The following GPC3 variants were observed in gnomAD, a reference collection of about 807,000 sequenced individuals.
GPC3 encodes the protein glypican-3.
In GPC3, 3 loss-of-function variants were observed where a neutral mutation model predicts 34.4. The ratio of observed to expected loss-of-function variants is 0.09; its 90% confidence interval spans 0.04 to 0.23. GPC3 has a LOEUF of 0.23. Ranked by LOEUF, GPC3 falls within the 10% of genes least tolerant of loss-of-function variation. The probability of loss-of-function intolerance (pLI) is 1.00; values close to 1 mark genes in which losing one functional copy is unlikely to be tolerated. For synonymous variants in GPC3, 177 were observed against 174.0 expected, an observed-to-expected ratio of 1.02 and a Z score of -0.13; for missense variants, 351 against 445.6, an observed-to-expected ratio of 0.79 and a Z score of 1.91.
chrX:133,632,129 TCCC>T (rs1315997799), intron 6 of GPC3, among the ~76,000 whole-genome samples: 2 of 109,677 alleles, frequency 1.8e-5, no homozygotes, highest in African/African-American at 6.9e-5. Context: ...AGACAGTGTC[TCCC>T]TCTGTTGCCC....
intron 2 of GPC3, among the ~76,000 whole-genome samples, chrX:133,790,630 A>G (rs2072151308): frequency 9.0e-6 from 1 of 111,693 alleles, no homozygotes; most frequent in Non-Finnish European, 1.9e-5. Context: ...ATGCTAAACC[A>G]GTTACCCACT....
chrX:133,969,843 A>C (rs2076482606), intron 1 of GPC3, among the ~76,000 whole-genome samples: 1 of 110,538 alleles, frequency 9.0e-6, no homozygotes, highest in Non-Finnish European at 1.9e-5. Context: ...ACAATCAAAC[A>C]CTCCTACACG....
intron 7 of GPC3, among the ~76,000 whole-genome samples, chrX:133,551,915 T>C (rs188530706): frequency 1.4e-4 from 16 of 112,598 alleles, no homozygotes; most frequent in Admixed American, 2.8e-4. Flanking sequence ...TAGATTCTTC[T>C]TGCCCCATAG....
chrX:133,936,032 T>C (rs983954514), intron 2 of GPC3, among the ~76,000 whole-genome samples: 20 of 108,765 alleles, frequency 1.8e-4, no homozygotes, highest in African/African-American at 6.4e-4. Context: ...CCCACCTCAG[T>C]CTCCCAAGTA....
chrX:133,828,504 A>C (rs2075760250), intron 2 of GPC3, among the ~76,000 whole-genome samples: 1 of 112,304 alleles, frequency 8.9e-6, no homozygotes, highest in African/African-American at 3.2e-5. Context: ...GTGGAACAAG[A>C]AAAAACATAA....
At chrX:133,578,105 A>G (rs1008957578) in intron 7 of GPC3, among the ~76,000 whole-genome samples, 2 of 112,217 alleles carry the variant, frequency 1.8e-5, no homozygotes, top group Non-Finnish European at 3.8e-5. Flanking sequence ...CACTCAAAAA[A>G]TATGAGCTAT....
intron 6 of GPC3, among the ~76,000 whole-genome samples, chrX:133,603,288 C>T (rs1331099263): frequency 9.1e-6 from 1 of 109,893 alleles, no homozygotes; most frequent in Non-Finnish European, 1.9e-5. Flanking sequence ...GTCTCGAACT[C>T]CTGGGCTCAA....
At chrX:133,709,855 C>T (rs2071252068) in intron 3 of GPC3, among the ~76,000 whole-genome samples, 1 of 112,285 alleles carries the variant, frequency 8.9e-6, no homozygotes, top group South Asian at 3.7e-4. Flanking sequence ...GCATTTTCCT[C>T]TCACTTTTCC....
At chrX:133,802,914 CTT>C (rs751359373) in intron 2 of GPC3, among the ~76,000 whole-genome samples, 4 of 68,550 alleles carry the variant, frequency 5.8e-5, no homozygotes, top group African/African-American at 1.7e-4. Flanking sequence ...GGAAGGTATT[CTT>C]TTTTTTTTTT....
chrX:133,808,388 G>T (rs1259363122), intron 2 of GPC3, among the ~76,000 whole-genome samples: 1 of 111,763 alleles, frequency 8.9e-6, no homozygotes, highest in Non-Finnish European at 1.9e-5. Flanking sequence ...ATAAAATGGG[G>T]GGTTATCCCA....
At chrX:133,900,883 CAG>C (rs1356811389) in intron 2 of GPC3, among the ~76,000 whole-genome samples, 1 of 111,497 alleles carries the variant, frequency 9.0e-6, no homozygotes, top group African/African-American at 3.3e-5. Context: ...GAGCACCACT[CAG>C]GGGGAACTTT....
At chrX:133,865,822 C>T (rs1205880413) in intron 2 of GPC3, among the ~76,000 whole-genome samples, 1 of 111,711 alleles carries the variant, frequency 9.0e-6, no homozygotes, top group Non-Finnish European at 1.9e-5. Flanking sequence ...TTCAACCAAG[C>T]CACTTCATGT....
At position 133,722,745 on chromosome X, in the gene GPC3, T is replaced by C. The variant is rs750554545; in HGVS notation, c.1033-22717A>G. 9.0e-5 allele frequency among the ~76,000 whole-genome samples: 10 copies of C among 111,646 alleles called. No individual in the cohort carries two copies. In the East Asian group the frequency reaches 2.8e-3, roughly 32 times the overall value. On this transcript the variant is annotated intron_variant, in intron 3 of 7. Transcript: ENST00000370818. ...ATACCTTGGGTCTCTGTTGATTGCCTTGCACTGTAAGCAGACCTCTGCTGA... is the reference window on the plus strand; with the variant it reads ...ATACCTTGGGTCTCTGTTGATTGCCCTGCACTGTAAGCAGACCTCTGCTGA...
intron 6 of GPC3, among the ~76,000 whole-genome samples, chrX:133,639,577 A>G (rs116246613): frequency 0.052 from 5,867 of 112,085 alleles, 397 homozygotes; most frequent in African/African-American, 0.18. Flanking sequence ...TACAGAACAC[A>G]GAATGTCTGT....
chrX:133,975,505 G>A (rs1196497579), intron 1 of GPC3, among the ~76,000 whole-genome samples: 1 of 111,060 alleles, frequency 9.0e-6, no homozygotes, highest in East Asian at 2.8e-4. Flanking sequence ...GTAGCTCACT[G>A]CAGCCTTGAA....
intron 1 of GPC3, among the ~76,000 whole-genome samples, chrX:133,974,473 C>T (rs1470409055): frequency 2.7e-5 from 3 of 112,590 alleles, no homozygotes; most frequent in Non-Finnish European, 3.8e-5. Flanking sequence ...TGCACATGCA[C>T]GTGTGTGTGT....
At chrX:133,811,766 G>T (rs187179372) in intron 2 of GPC3, among the ~76,000 whole-genome samples, 1 of 111,689 alleles carries the variant, frequency 9.0e-6, no homozygotes, top group Non-Finnish European at 1.9e-5. Flanking sequence ...GCTCATGTAG[G>T]TCAAAATCTG....
chrX:133,682,088 C>T (rs1250284755), intron 5 of GPC3, among the ~76,000 whole-genome samples: 3 of 111,439 alleles, frequency 2.7e-5, no homozygotes, highest in African/African-American at 6.5e-5. Context: ...GCTGACATCA[C>T]TCAAAACACT....
chrX:133,714,487 G>A lies in GPC3; in HGVS notation c.1033-14459C>T, dbSNP rs746893017. 9.9e-5 allele frequency among the ~76,000 whole-genome samples: 11 copies of A among 110,609 alleles called. No homozygotes were observed. In the South Asian group the frequency reaches 3.9e-3, roughly 39 times the overall value. On this transcript the variant is annotated intron_variant, in intron 3 of 7. Coordinates refer to ENST00000370818, the MANE Select transcript of GPC3 (RefSeq NM_004484.4). ...ATAACTCCATCGACATCTCTTTGGGGTCCTGTATAGCTTTTAAGAATGTAA... is the reference window on the plus strand; with the variant it reads ...ATAACTCCATCGACATCTCTTTGGGATCCTGTATAGCTTTTAAGAATGTAA...
Sources: gnomAD v4.1 joint callset for allele counts (sites outside exome capture counted in the v4.1 genomes callset) on GRCh38, gnomAD v4.1.1 for gene constraint, MANE v1.5 for transcripts, NCBI Gene and HGNC (gene_info 2026-07-23, HGNC 2026-07-21) for gene names.